The following FAM171A1 variants were observed in gnomAD, a reference collection of about 807,000 sequenced individuals.
The protein encoded by FAM171A1 is family with sequence similarity 171 member A1.
Under a neutral mutation model 74.9 loss-of-function variants are expected in FAM171A1, and 23 were observed. The ratio of observed to expected loss-of-function variants is 0.31; its 90% confidence interval spans 0.22 to 0.44. FAM171A1 has a LOEUF of 0.44. Among genes scored for constraint, FAM171A1 ranks in the 20% least tolerant of loss-of-function variants. The pLI is 1.00. For missense variants in FAM171A1, 1,162 were observed against 1,159.2 expected (o/e 1.00, Z -0.03); for synonymous variants, 527 against 505.7 (o/e 1.04, Z -0.57).
chr10:15,279,519 AT>A (rs11322755), intron 2 of FAM171A1, among the ~76,000 whole-genome samples: 48,776 of 149,042 alleles, frequency 0.33, 8,986 homozygotes, highest in East Asian at 0.58. Flanking sequence ...TACCAAGTAG[AT>A]TTTTTTTTTT....
At chr10:15,364,951 T>A (rs1280861418) in intron 1 of FAM171A1, among the ~76,000 whole-genome samples, 1 of 152,172 alleles carries the variant, frequency 6.6e-6, no homozygotes, top group African/African-American at 2.4e-5. Flanking sequence ...AATCTTCCCA[T>A]CTCAAGATCC....
intron 5 of FAM171A1, among the ~76,000 whole-genome samples, chr10:15,228,882 A>T (rs568918904): frequency 2.0e-5 from 3 of 152,208 alleles, no homozygotes; most frequent in African/African-American, 7.2e-5. Flanking sequence ...CACTGGTGCA[A>T]TCCTAGAGCC....
intron 4 of FAM171A1, among the ~76,000 whole-genome samples, chr10:15,253,390 A>G (rs1252190787): frequency 6.6e-6 from 1 of 152,086 alleles, no homozygotes; most frequent in Non-Finnish European, 1.5e-5. Flanking sequence ...TTTTTTCCTA[A>G]TAATGTTTAC....
chr10:15,301,993 A>G (rs897600490), intron 1 of FAM171A1, among the ~76,000 whole-genome samples: 3 of 152,200 alleles, frequency 2.0e-5, no homozygotes, highest in African/African-American at 7.2e-5. Context: ...GACATAAGAC[A>G]GTCCCAATTT....
chr10:15,237,589 G>A (rs1834309163), intron 5 of FAM171A1: 1 of 152,156 alleles, frequency 6.6e-6, no homozygotes, highest in African/African-American at 2.4e-5. Flanking sequence ...GCGATGCTGA[G>A]TCCACAGTGG....
upstream of FAM171A1, among the ~76,000 whole-genome samples, chr10:15,373,568 T>A (rs1463446852): frequency 6.6e-6 from 1 of 152,236 alleles, no homozygotes; most frequent in Non-Finnish European, 1.5e-5. Flanking sequence ...GAAGTGCAAA[T>A]CTAGTGAATA....
chr10:15,216,228 G>T, intron 6 of FAM171A1, 118 bp from the exon 7 acceptor site: 1 of 612,650 alleles, frequency 1.6e-6, no homozygotes, highest in Non-Finnish European at 2.7e-6. Context: ...TAGAGCAGTG[G>T]CCAGAGGAAA....
intron 4 of FAM171A1, among the ~76,000 whole-genome samples, chr10:15,252,866 C>T (rs770956196): frequency 2.0e-5 from 3 of 152,180 alleles, no homozygotes; most frequent in African/African-American, 4.8e-5. Flanking sequence ...ATAATTTATT[C>T]AAGAGCTACT....
intron 5 of FAM171A1, among the ~76,000 whole-genome samples, chr10:15,228,572 G>A (rs564459352): frequency 6.6e-6 from 1 of 152,226 alleles, no homozygotes; most frequent in Non-Finnish European, 1.5e-5. Context: ...GCAAACTCCT[G>A]GGCTCAAGTG....
chr10:15,266,083 C>T (rs1263051406), intron 3 of FAM171A1, among the ~76,000 whole-genome samples: 2 of 152,156 alleles, frequency 1.3e-5, no homozygotes, highest in South Asian at 2.1e-4. Context: ...GACCCACGGA[C>T]GCCGTCTGCT....
At chr10:15,322,164 T>C (rs1835494625) in intron 1 of FAM171A1, among the ~76,000 whole-genome samples, 1 of 152,188 alleles carries the variant, frequency 6.6e-6, no homozygotes, top group South Asian at 2.1e-4. Flanking sequence ...AAAATACCAT[T>C]GGGGGTTGAA....
At chr10:15,301,363 T>TA (rs386361679) in intron 1 of FAM171A1, among the ~76,000 whole-genome samples, 39,067 of 118,518 alleles carry the variant, frequency 0.33, 5,622 homozygotes, top group East Asian at 0.44. Flanking sequence ...TATATATATA[T>TA]TTTTTTTTTT....
At chr10:15,371,330 C>A (rs1233089465), upstream of FAM171A1, among the ~76,000 whole-genome samples, 4 of 145,976 alleles carry the variant, frequency 2.7e-5, no homozygotes, top group Non-Finnish European at 4.6e-5. Flanking sequence ...CCGCTGCCCG[C>A]GCCCAGGCCC....
At chr10:15,245,073 A>G (rs1433782913) in intron 5 of FAM171A1, among the ~76,000 whole-genome samples, 3 of 149,716 alleles carry the variant, frequency 2.0e-5, no homozygotes, top group Non-Finnish European at 4.5e-5. Flanking sequence ...TTATTTATTT[A>G]TTTATTTTTT....
At chr10:15,319,244 A>T (rs1435051627) in intron 1 of FAM171A1, among the ~76,000 whole-genome samples, 3 of 152,142 alleles carry the variant, frequency 2.0e-5, no homozygotes, top group Non-Finnish European at 2.9e-5. Flanking sequence ...ATTCCAGCAG[A>T]AAAGTCCACG....
At chr10:15,295,832 T>G (rs1178397315) in intron 1 of FAM171A1, among the ~76,000 whole-genome samples, 1 of 152,194 alleles carries the variant, frequency 6.6e-6, no homozygotes, top group East Asian at 1.9e-4. Flanking sequence ...AAAAGGAGCC[T>G]CTCTCCTTAG....
At chr10:15,273,594 A>AC (rs1239611333) in intron 3 of FAM171A1, among the ~76,000 whole-genome samples, 1 of 152,186 alleles carries the variant, frequency 6.6e-6, no homozygotes, top group African/African-American at 2.4e-5. Flanking sequence ...AACAACAACA[A>AC]AAAAGAGAAT....
At chr10:15,333,402 G>A (rs560553696) in intron 1 of FAM171A1, among the ~76,000 whole-genome samples, 1 of 152,268 alleles carries the variant, frequency 6.6e-6, no homozygotes, top group South Asian at 2.1e-4. Context: ...TGGGAGGCTA[G>A]GACAGGAGAA....
At chr10:15,257,015 T>C (rs1460571824) in intron 3 of FAM171A1, among the ~76,000 whole-genome samples, 1 of 152,202 alleles carries the variant, frequency 6.6e-6, no homozygotes, top group South Asian at 2.1e-4. Context: ...TCCGGCTAAA[T>C]AATGCTGCTG....
Sources: allele counts gnomAD v4.1 joint callset (sites outside exome capture counted in the v4.1 genomes callset), GRCh38; gene constraint gnomAD v4.1.1; transcripts MANE v1.5; gene names NCBI Gene and HGNC (gene_info 2026-07-23, HGNC 2026-07-21).